CLN6: variants seen among roughly 807,000 people sequenced by gnomAD.
CLN6 encodes ceroid-lipofuscinosis neuronal protein 6.
CLN6 carries 22 observed loss-of-function variants against 33.3 expected under a neutral mutation model. The observed-to-expected ratio is 0.66, with a 90% CI of 0.47 to 0.94. The LOEUF (loss-of-function observed/expected upper bound fraction) is 0.94, where lower values mean the gene tolerates loss of function less well. Ranked by LOEUF, CLN6 falls within the 40% of genes least tolerant of loss-of-function variation. CLN6 has a pLI of 0.00. For missense variants in CLN6, 387 were observed against 417.1 expected (o/e 0.93, Z 0.63); for synonymous variants, 201 against 174.6 (o/e 1.15, Z -1.19).
At chr15:68,251,107 A>G (rs1404603346) in intron 1 of CLN6, among the ~76,000 whole-genome samples, 1 of 152,224 alleles carries the variant, frequency 6.6e-6, no homozygotes, top group Non-Finnish European at 1.5e-5. Context: ...GGATTTATCC[A>G]AAGAGTATAA....
intron 1 of CLN6, among the ~76,000 whole-genome samples, chr15:68,243,806 G>A (rs1183506907): frequency 1.3e-5 from 2 of 150,588 alleles, no homozygotes; most frequent in Non-Finnish European, 3.0e-5. Flanking sequence ...GCTCACGCCT[G>A]TAATCCCAGC....
chr15:68,224,325 T>G (rs1468193538), intron 1 of CLN6, among the ~76,000 whole-genome samples: 3 of 146,630 alleles, frequency 2.0e-5, no homozygotes, highest in African/African-American at 7.6e-5. Context: ...GCAACCAGCT[T>G]GCAAATCAAG....
chr15:68,247,184 A>G lies in CLN6; in HGVS notation c.179+9506T>C, dbSNP rs1224513143. ...CATAGCAATTAGGCAAGAGAAAGAA[A>G]TAAAGAGAATCCAATTTGGAAAGGA... On this transcript the variant is annotated intron_variant, in intron 1 of 6. Coordinates refer to the CLN6 transcript ENST00000538696. The surrounding 1 kb of genome is among the most constrained non-coding windows in gnomAD (Gnocchi z 4.2). Among the ~76,000 whole-genome samples, 1 of 152,170 alleles carries G rather than the reference A, an allele frequency of 6.6e-6. No individual in the cohort carries two copies. Among genetic ancestry groups the G allele is most frequent in the Non-Finnish European group, 1.5e-5 (1 of 68,040 alleles).
At position 68,208,152 on chromosome 15, in the gene CLN6, G is replaced by A. The variant is rs774237925; in HGVS notation, c.924C>T (p.Ser308=). 54 of 1,586,076 alleles carry A rather than the reference G, an allele frequency of 3.4e-5. No homozygotes were observed. In the East Asian group the frequency reaches 4.6e-4, roughly 14 times the overall value. Residue 308 remains serine (S), a synonymous_variant, in exon 7 of 7, where the codon AGC becomes AGT. Coordinates refer to ENST00000249806, the MANE Select transcript of CLN6 (RefSeq NM_017882.3). The surrounding 1 kb of genome is among the most constrained non-coding windows in gnomAD (Gnocchi z 5.8). ...EPWAFYTLHV[S]SRH is the part of the protein sequence containing the mutation. ...TGGTGCCAGGGACTCAGTGCCGACT[G>A]CTGACGTGAAGGGTGTAGAAAGCCC...
intron 3 of CLN6, 167 bp from the exon 4 acceptor site, chr15:68,212,030 C>T (rs544112968): frequency 3.9e-5 from 26 of 669,044 alleles, no homozygotes; most frequent in African/African-American, 5.4e-5. Flanking sequence ...CAGATCCTCC[C>T]GTGACCCCTA....
At chr15:68,230,817 C>T (rs1183869322), upstream of CLN6, among the ~76,000 whole-genome samples, 2 of 152,224 alleles carry the variant, frequency 1.3e-5, no homozygotes, top group East Asian at 1.9e-4. This position sits in a 1 kb window ranked among gnomAD's most constrained non-coding sequence, Gnocchi z 4.0. Context: ...CTCCTCCCCA[C>T]GGTCACTGTC....
intron 1 of CLN6, among the ~76,000 whole-genome samples, chr15:68,235,796 C>A (rs981362431): frequency 1.1e-4 from 16 of 151,966 alleles, no homozygotes; most frequent in Non-Finnish European, 2.1e-4. Flanking sequence ...GTCCTTGGAA[C>A]CCAATTATTC....
At chr15:68,255,399 T>A (rs1892423441) in intron 1 of CLN6, among the ~76,000 whole-genome samples, 1 of 152,234 alleles carries the variant, frequency 6.6e-6, no homozygotes, top group African/African-American at 2.4e-5. Flanking sequence ...GCAGTGGTTC[T>A]GTTTCTAGAT....
intron 1 of CLN6, among the ~76,000 whole-genome samples, chr15:68,229,188 C>T (rs1664250008): frequency 6.6e-6 from 1 of 152,170 alleles, no homozygotes; most frequent in African/African-American, 2.4e-5. Flanking sequence ...GCGGCTGTCC[C>T]GGCGCCAGCC....
intron 1 of CLN6, among the ~76,000 whole-genome samples, chr15:68,252,153 T>C (rs1421978141): frequency 6.6e-6 from 1 of 152,058 alleles, no homozygotes; most frequent in Non-Finnish European, 1.5e-5. Flanking sequence ...TTTGTATTTT[T>C]AGTAGAGATA....
intron 1 of CLN6, among the ~76,000 whole-genome samples, chr15:68,243,055 G>A (rs1265086415): frequency 6.6e-6 from 1 of 152,174 alleles, no homozygotes; most frequent in Non-Finnish European, 1.5e-5. Context: ...TGTGCTTTTC[G>A]TAAAAGACTG....
chr15:68,211,352 A>G lies in CLN6; in HGVS notation c.487-34T>C, dbSNP rs761574362. On this transcript the variant is annotated intron_variant, in intron 4 of 6. Transcript: ENST00000249806. The surrounding 1 kb of genome is among the most constrained non-coding windows in gnomAD (Gnocchi z 5.9). ...GGAACGGGCAGGGCAGAGTCGGGGG[A>G]TGTCGATGTCAGTCCAGGGAGGTGC... The G allele has an allele frequency of 5.6e-6, 9 of 1,611,758 alleles. No individual in the cohort carries two copies. Among genetic ancestry groups the G allele is most frequent in the Non-Finnish European group, 7.6e-6 (9 of 1,178,442 alleles).
At position 68,236,722 on chromosome 15, in the gene CLN6, GGTGAATTTTATGACAA is replaced by G. The variant is rs1013860000; in HGVS notation, c.180-18088_180-18073del. 7.2e-5 allele frequency among the ~76,000 whole-genome samples: 11 copies of G among 152,046 alleles called. No individual in the cohort carries two copies. The highest frequency in any genetic ancestry group is 1.5e-4 in the Non-Finnish European group (10 of 68,012). ...ACCACTGAATTATATACTTCAAAAG[GGTGAATTTTATGACAA>G]GTGAATTTTATCTCAATAAAGCTAT... On this transcript the variant is annotated intron_variant, in intron 1 of 6. Transcript: ENST00000538696. The surrounding 1 kb of genome is among the most constrained non-coding windows in gnomAD (Gnocchi z 4.5).
rs2093229387 is a variant in CLN6 at position 68,219,417 on chromosome 15, G to A, written c.84-767C>T. On this transcript the variant is annotated intron_variant, in intron 1 of 6. Coordinates refer to ENST00000249806, the MANE Select transcript of CLN6 (RefSeq NM_017882.3). The surrounding 1 kb of genome is among the most constrained non-coding windows in gnomAD (Gnocchi z 4.2). ...TTCTCAGCAGTCCACAGTAGAACCTGAGAAGGAGCCAGCAGAAGCAAGGTG... is the reference window on the plus strand; with the variant it reads ...TTCTCAGCAGTCCACAGTAGAACCTAAGAAGGAGCCAGCAGAAGCAAGGTG... 6.6e-6 allele frequency among the ~76,000 whole-genome samples: 1 copy of A among 152,308 alleles called. No individual in the cohort carries two copies.
chr15:68,231,529 GA>G (rs1453530469), upstream of CLN6, among the ~76,000 whole-genome samples: 4 of 152,218 alleles, frequency 2.6e-5, no homozygotes, highest in Non-Finnish European at 5.9e-5. Context: ...TTCCCGCTCT[GA>G]CCCCAATTTC....
At chr15:68,237,349 T>C (rs1056729469) in intron 1 of CLN6, among the ~76,000 whole-genome samples, 4 of 151,514 alleles carry the variant, frequency 2.6e-5, no homozygotes, top group Non-Finnish European at 5.9e-5. Context: ...TTAGCCACTG[T>C]TGTGGCATGC....
intron 1 of CLN6, among the ~76,000 whole-genome samples, chr15:68,222,127 T>C (rs1383474092): frequency 0.11 from 3,655 of 32,782 alleles, no homozygotes; most frequent in Middle Eastern, 0.12. Flanking sequence ...TGAGGAGCCC[T>C]TCTGCCCGGC....
At chr15:68,212,051 A>G (rs1481334817) in intron 3 of CLN6, 188 bp from the exon 4 acceptor site, 3 of 622,342 alleles carry the variant, frequency 4.8e-6, no homozygotes, top group Non-Finnish European at 8.4e-6. Context: ...TGAACCCCGG[A>G]GGGAATGTGG....
rs2093194626 is a variant in CLN6, at chr15:68,208,504, G to A, written c.666-94C>T. On this transcript the variant is annotated intron_variant, in intron 6 of 6. Transcript: ENST00000249806. This position sits in a 1 kb window ranked among gnomAD's most constrained non-coding sequence, Gnocchi z 5.8. ...GTGCGAGAGCCAGGCTGCCCTCCAG[G>A]CAGGCAGAAGAGTCCTCTGGTGCCA... is the stretch of plus-strand genomic sequence containing the variant. 7.0e-7 allele frequency: 1 copy of A among 1,422,978 alleles called. No individual in the cohort carries two copies. Among genetic ancestry groups the A allele is most frequent in the Non-Finnish European group, 9.7e-7 (1 of 1,025,672 alleles). The allele number at this position is 1,422,978 out of a possible 1,614,324, so 88.1% of individuals were successfully genotyped here. A position where few individuals can be genotyped will look rare whatever the true frequency, so the allele number is the denominator to read the frequency against.
Sources: allele counts gnomAD v4.1 joint callset (sites outside exome capture counted in the v4.1 genomes callset), GRCh38; gene constraint gnomAD v4.1.1; non-coding constraint Gnocchi (gnomAD v3.1); transcripts MANE v1.5; gene names NCBI Gene and HGNC (gene_info 2026-07-23, HGNC 2026-07-21).